The following RAB28 variants were observed in gnomAD, a reference collection of about 807,000 sequenced individuals.
RAB28 encodes the protein ras-related protein Rab-28.
RAB28 carries 24 observed loss-of-function variants against 31.7 expected under a neutral mutation model. The ratio of observed to expected loss-of-function variants is 0.76; its 90% confidence interval spans 0.55 to 1.06. RAB28 has a LOEUF of 1.06. Ranked by LOEUF, RAB28 falls within the 50% of genes least tolerant of loss-of-function variation. RAB28 has a pLI of 0.00. For synonymous variants in RAB28, 100 were observed against 90.4 expected (o/e 1.11, Z -0.60); for missense variants, 254 against 258.5 (o/e 0.98, Z 0.12).
At chr4:13,461,577 A>C (rs1450501583) in intron 3 of RAB28, among the ~76,000 whole-genome samples, 2 of 152,206 alleles carry the variant, frequency 1.3e-5, no homozygotes, top group Non-Finnish European at 2.9e-5. Flanking sequence ...GTAAAACTGG[A>C]CGTAATACTG....
In RAB28 at chr4:13,367,805, G is replaced by A. The variant is rs15412; in HGVS notation, c.*753C>T. On this transcript the variant is annotated 3_prime_UTR_variant, in exon 7 of 7. Transcript: ENST00000330852. Reference sequence around the variant, plus strand: ...ATCCACAATGTCATAACTCATTCTCGGGAGTACTCTTATGCAGTTTGCAAG... The same window carrying A: ...ATCCACAATGTCATAACTCATTCTCAGGAGTACTCTTATGCAGTTTGCAAG... 251 of 984,796 alleles carry A rather than the reference G, an allele frequency of 2.5e-4. 1 individual carries two copies. The African/African-American group carries it at 4.0e-3, about 16-fold the overall frequency. 61.0% of individuals were successfully genotyped at this position (984,796 alleles called of 1,614,324 possible).
intron 2 of RAB28, among the ~76,000 whole-genome samples, chr4:13,478,639 G>C (rs1716471133): frequency 6.6e-6 from 1 of 151,652 alleles, no homozygotes; most frequent in African/African-American, 2.4e-5. Flanking sequence ...CCTCACAGAG[G>C]AGAGAGATGG....
chr4:13,450,146 G>A (rs1714887034), intron 4 of RAB28, among the ~76,000 whole-genome samples: 1 of 151,514 alleles, frequency 6.6e-6, no homozygotes, highest in Admixed American at 6.6e-5. Context: ...AATTAAAACT[G>A]TAATTCAGTA....
chr4:13,422,525 T>C (rs1217710679), intron 4 of RAB28, among the ~76,000 whole-genome samples: 1 of 151,844 alleles, frequency 6.6e-6, no homozygotes, highest in East Asian at 1.9e-4. Flanking sequence ...TAGACCAGAT[T>C]AAGAAAATGT....
At chr4:13,476,392 T>C (rs1180834600) in intron 2 of RAB28, among the ~76,000 whole-genome samples, 1 of 151,466 alleles carries the variant, frequency 6.6e-6, no homozygotes, top group African/African-American at 2.4e-5. Flanking sequence ...ACATACAAAT[T>C]CCAGTGACTC....
intron 4 of RAB28, among the ~76,000 whole-genome samples, chr4:13,440,421 T>C (rs1050105684): frequency 6.6e-6 from 1 of 152,146 alleles, no homozygotes; most frequent in Admixed American, 6.5e-5. Flanking sequence ...CTGTATTTGA[T>C]TCTACTATTA....
rs182260658 is a variant in RAB28 at position 13,424,456 on chromosome 4, T to G, written c.391+36243A>C. Among the ~76,000 whole-genome samples the G allele has an allele frequency of 3.9e-5, 6 of 152,324 alleles. No individual in the cohort carries two copies. The East Asian group carries it at 1.2e-3, about 29-fold the overall frequency. On this transcript the variant is annotated intron_variant, in intron 4 of 6. Coordinates refer to ENST00000330852, the MANE Select transcript of RAB28 (RefSeq NM_001017979.3). The stretch of plus-strand genomic sequence containing the variant: ...GCCAAAATGTCTCTCTTCTCGTAAG[T>G]CATTGGATTTAGGGTCCACCCTCAT...
At chr4:13,376,046 C>T (rs913832860) in intron 6 of RAB28, among the ~76,000 whole-genome samples, 1 of 152,028 alleles carries the variant, frequency 6.6e-6, no homozygotes, top group Non-Finnish European at 1.5e-5. Flanking sequence ...TATAGTGGTA[C>T]TTTAAATTTC....
intron 4 of RAB28, among the ~76,000 whole-genome samples, chr4:13,406,845 GTTGT>G (rs1476710418): frequency 1.3e-5 from 2 of 151,958 alleles, no homozygotes; most frequent in African/African-American, 4.8e-5. Context: ...TTTTGATGGG[GTTGT>G]TTTTTTCTTG....
chr4:13,423,605 G>A (rs1713302819), intron 4 of RAB28, among the ~76,000 whole-genome samples: 1 of 152,110 alleles, frequency 6.6e-6, no homozygotes, highest in African/African-American at 2.4e-5. Context: ...CATTCATTAG[G>A]TATTGTCCAT....
chr4:13,406,510 T>C (rs184482039), intron 4 of RAB28, among the ~76,000 whole-genome samples: 223 of 152,332 alleles, frequency 1.5e-3, no homozygotes, highest in African/African-American at 5.2e-3. Flanking sequence ...CCTTTGGGTA[T>C]ATACCCAGTA....
intron 4 of RAB28, among the ~76,000 whole-genome samples, chr4:13,433,780 C>T (rs972178252): frequency 3.3e-5 from 5 of 152,042 alleles, no homozygotes; most frequent in African/African-American, 1.2e-4. Flanking sequence ...ATAGAACTAC[C>T]ATTAGACCCA....
intron 4 of RAB28, among the ~76,000 whole-genome samples, chr4:13,397,051 G>T (rs1370814185): frequency 6.6e-6 from 1 of 152,090 alleles, no homozygotes; most frequent in Non-Finnish European, 1.5e-5. Flanking sequence ...TGAGTGAAGA[G>T]AAATATTTTT....
At chr4:13,410,414 G>C (rs1175060678) in intron 4 of RAB28, among the ~76,000 whole-genome samples, 1 of 151,886 alleles carries the variant, frequency 6.6e-6, no homozygotes, top group Non-Finnish European at 1.5e-5. Context: ...CTGATTGCCG[G>C]TATGTTACCA....
intron 4 of RAB28, among the ~76,000 whole-genome samples, chr4:13,393,977 G>A (rs1273073971): frequency 6.6e-6 from 1 of 152,018 alleles, no homozygotes; most frequent in Admixed American, 6.6e-5. Flanking sequence ...AAGCACAAGG[G>A]ATAAATTAGG....
chr4:13,374,123 A>G (rs2108875888), intron 6 of RAB28, among the ~76,000 whole-genome samples: 1 of 152,298 alleles, frequency 6.6e-6, no homozygotes. Flanking sequence ...AAGACTAATA[A>G]GGATTCTTGC....
intron 4 of RAB28, among the ~76,000 whole-genome samples, chr4:13,405,450 C>G (rs777527039): frequency 6.6e-6 from 1 of 152,090 alleles, no homozygotes; most frequent in Non-Finnish European, 1.5e-5. Flanking sequence ...AACTACAGTT[C>G]TTTGGATAGA....
In RAB28 at chr4:13,462,331, T is replaced by C. The variant is rs1715628004; in HGVS notation, c.262-1503A>G. Reference sequence around the variant, plus strand: ...TTGGGGAGGTCACCATTATAAAACATTTCCACCATATAGATACAGCAGATG... The same window carrying C: ...TTGGGGAGGTCACCATTATAAAACACTTCCACCATATAGATACAGCAGATG... On this transcript the variant is annotated intron_variant, in intron 3 of 6. Coordinates refer to ENST00000330852, the MANE Select transcript of RAB28 (RefSeq NM_001017979.3). Among the ~76,000 whole-genome samples the C allele has an allele frequency of 2.0e-5, 3 of 152,260 alleles. No homozygotes were observed. In the East Asian group the frequency reaches 5.8e-4, roughly 29 times the overall value.
intron 4 of RAB28, among the ~76,000 whole-genome samples, chr4:13,398,505 G>A (rs968406542): frequency 1.3e-5 from 2 of 152,134 alleles, no homozygotes; most frequent in Non-Finnish European, 2.9e-5. Context: ...TCGGCCGGGC[G>A]CGGTGGCTCA....
Sources: allele counts gnomAD v4.1 joint callset (sites outside exome capture counted in the v4.1 genomes callset), GRCh38; gene constraint gnomAD v4.1.1; transcripts MANE v1.5; gene names NCBI Gene and HGNC (gene_info 2026-07-23, HGNC 2026-07-21).